The following LRMDA variants were observed in gnomAD, a reference collection of about 807,000 sequenced individuals.
LRMDA encodes the protein leucine rich melanocyte differentiation associated.
In LRMDA, 18 loss-of-function variants were observed where a neutral mutation model predicts 29.8. The observed-to-expected ratio is 0.60, with a 90% confidence interval of 0.42 to 0.90. LRMDA has a LOEUF of 0.90. Among genes scored for constraint, LRMDA ranks in the 40% least tolerant of loss-of-function variants. The pLI, the probability that LRMDA is intolerant of heterozygous loss-of-function variation, is 0.00. For synonymous variants in LRMDA, 125 were observed against 109.4 expected (o/e 1.14, Z -0.89); for missense variants, 273 against 273.9 (o/e 1.00, Z 0.02).
At chr10:76,254,604 G>A (rs113134324) in intron 5 of LRMDA, among the ~76,000 whole-genome samples, 1 of 152,002 alleles carries the variant, frequency 6.6e-6, no homozygotes, top group African/African-American at 2.4e-5. Context: ...GTTGGCATTT[G>A]TTCTGCTATA....
chr10:76,409,497 GA>G (rs1292200155), intron 6 of LRMDA, among the ~76,000 whole-genome samples: 42 of 152,122 alleles, frequency 2.8e-4, no homozygotes, highest in African/African-American at 9.6e-4. Flanking sequence ...AATATTGGGA[GA>G]AAAAAACTAC....
chr10:75,669,112 CT>C (rs1216968418), intron 2 of LRMDA, among the ~76,000 whole-genome samples: 2 of 152,194 alleles, frequency 1.3e-5, no homozygotes, highest in Non-Finnish European at 2.9e-5. Flanking sequence ...TATTTAGCCC[CT>C]TATGTTGTAT....
intron 6 of LRMDA, among the ~76,000 whole-genome samples, chr10:76,515,131 A>G (rs1413832626): frequency 2.0e-5 from 3 of 152,146 alleles, no homozygotes; most frequent in African/African-American, 2.4e-5. Flanking sequence ...AAGAAATACC[A>G]TGGTATGCTG....
At chr10:75,531,646 C>T (rs1010394442) in intron 2 of LRMDA, among the ~76,000 whole-genome samples, 2 of 152,188 alleles carry the variant, frequency 1.3e-5, no homozygotes, top group Non-Finnish European at 2.9e-5. Flanking sequence ...AGCCAGCACT[C>T]TTGTTCTCTG....
chr10:76,056,621 T>C (rs557785754), intron 4 of LRMDA, among the ~76,000 whole-genome samples: 31 of 152,298 alleles, frequency 2.0e-4, no homozygotes, highest in Admixed American at 2.0e-3. Context: ...GGGGCTGGTG[T>C]TTCAGTACTG....
At chr10:75,606,277 T>A (rs776853786) in intron 2 of LRMDA, among the ~76,000 whole-genome samples, 47 of 152,228 alleles carry the variant, frequency 3.1e-4, no homozygotes, top group Non-Finnish European at 6.5e-4. Flanking sequence ...CTGTGTTAAG[T>A]GTGCGAGAAG....
At chr10:75,558,690 C>A (rs974090086) in intron 2 of LRMDA, among the ~76,000 whole-genome samples, 13 of 149,202 alleles carry the variant, frequency 8.7e-5, no homozygotes, top group Non-Finnish European at 1.8e-4. Context: ...ACTCCCCCCA[C>A]CCCACAACAG....
chr10:76,228,041 T>C (rs1315297765), intron 5 of LRMDA, among the ~76,000 whole-genome samples: 1 of 143,502 alleles, frequency 7.0e-6, no homozygotes, highest in Non-Finnish European at 1.5e-5. Context: ...TTTTTTTTTT[T>C]AGACAGAGTC....
At position 76,137,598 on chromosome 10, in the gene LRMDA, G is replaced by A. The variant is rs182960336; in HGVS notation, c.516+78815G>A. ...ATAAGAAAGGCCCTCCTGGGAGTCA[G>A]GAGAAGTGATGAGATGTGCTGTAGC... On this transcript the variant is annotated intron_variant, in intron 5 of 6. Transcript: ENST00000611255. Among the ~76,000 whole-genome samples, 24 of 152,242 alleles carry A rather than the reference G, an allele frequency of 1.6e-4. No homozygotes were observed. In the East Asian group the frequency reaches 4.4e-3, roughly 28 times the overall value.
chr10:76,079,920 A>C (rs1849022594), intron 5 of LRMDA, among the ~76,000 whole-genome samples: 1 of 152,062 alleles, frequency 6.6e-6, no homozygotes, highest in Non-Finnish European at 1.5e-5. Flanking sequence ...CATAGCATAG[A>C]GCCTTCTGTC....
intron 5 of LRMDA, among the ~76,000 whole-genome samples, chr10:76,213,931 A>G (rs1394466765): frequency 2.0e-5 from 3 of 150,666 alleles, no homozygotes; most frequent in Admixed American, 1.3e-4. Flanking sequence ...AATTAAAACT[A>G]TAGCTAGGGG....
chr10:75,889,004 A>T (rs932331059), intron 2 of LRMDA, among the ~76,000 whole-genome samples: 1 of 152,172 alleles, frequency 6.6e-6, no homozygotes, highest in Admixed American at 6.5e-5. Context: ...TCCTCTGCCC[A>T]TTGACTATAG....
chr10:76,548,715 G>A (rs189102973), intron 6 of LRMDA, among the ~76,000 whole-genome samples: 3 of 152,250 alleles, frequency 2.0e-5, no homozygotes, highest in East Asian at 1.9e-4. Context: ...CTGTCAGTTG[G>A]TACTCACTTG....
chr10:76,391,803 A>G (rs950501740), intron 6 of LRMDA, among the ~76,000 whole-genome samples: 1 of 152,122 alleles, frequency 6.6e-6, no homozygotes, highest in African/African-American at 2.4e-5. Flanking sequence ...TGGTCATAAG[A>G]AGCTTTTTTG....
chr10:75,455,359 A>G, intron 2 of LRMDA, among the ~76,000 whole-genome samples: 1 of 152,132 alleles, frequency 6.6e-6, no homozygotes, highest in East Asian at 1.9e-4. Context: ...AAAGGCCCCG[A>G]GTTGGGTTCC....
chr10:76,092,055 A>G (rs181312707), intron 5 of LRMDA, among the ~76,000 whole-genome samples: 1 of 152,148 alleles, frequency 6.6e-6, no homozygotes. Context: ...GGCATATTTC[A>G]GGAGGAGGTT....
intron 5 of LRMDA, among the ~76,000 whole-genome samples, chr10:76,255,831 T>G (rs956837570): frequency 1.3e-5 from 2 of 152,192 alleles, no homozygotes; most frequent in African/African-American, 4.8e-5. Context: ...AAGGCACATA[T>G]TAGAGAGAAT....
chr10:75,700,080 G>A (rs1317329685), intron 2 of LRMDA, among the ~76,000 whole-genome samples: 1 of 152,086 alleles, frequency 6.6e-6, no homozygotes, highest in Admixed American at 6.6e-5. Context: ...TCAGGCTCTG[G>A]CCTTCAGAAC....
At chr10:75,478,485 A>G (rs191047393) in intron 2 of LRMDA, among the ~76,000 whole-genome samples, 9 of 152,298 alleles carry the variant, frequency 5.9e-5, no homozygotes, top group Non-Finnish European at 4.4e-5. Flanking sequence ...GTCCCTGGTC[A>G]CCTTACTATA....
Sources: allele counts gnomAD v4.1 joint callset (sites outside exome capture counted in the v4.1 genomes callset), GRCh38; gene constraint gnomAD v4.1.1; transcripts MANE v1.5; gene names NCBI Gene and HGNC (gene_info 2026-07-23, HGNC 2026-07-21).